The following IQGAP2 variants were observed in gnomAD, a reference collection of about 807,000 sequenced individuals.
IQGAP2 encodes the protein ras GTPase-activating-like protein IQGAP2.
IQGAP2 carries 173 observed loss-of-function variants against 201.3 expected under a neutral mutation model. The ratio of observed to expected loss-of-function variants is 0.86; its 90% CI spans 0.76 to 0.98. The LOEUF (loss-of-function observed/expected upper bound fraction) is 0.98. IQGAP2 is among the 50% of genes least tolerant of loss of function. IQGAP2 has a pLI of 0.00. For synonymous variants in IQGAP2, 675 were observed against 673.9 expected (o/e 1.00, Z -0.03); for missense variants, 1,687 against 1,864.8 (o/e 0.90, Z 1.76).
At chr5:76,573,453 C>A (rs911184395) in intron 4 of IQGAP2, among the ~76,000 whole-genome samples, 10 of 152,266 alleles carry the variant, frequency 6.6e-5, no homozygotes, top group African/African-American at 2.4e-4. Context: ...ATAAAACATT[C>A]TGGTGAATGA....
At chr5:76,406,986 T>C (rs747333425) in intron 1 of IQGAP2, among the ~76,000 whole-genome samples, 1 of 152,074 alleles carries the variant, frequency 6.6e-6, no homozygotes, top group Non-Finnish European at 1.5e-5. Context: ...GCATTATTAT[T>C]ATTTTTTTTT....
intron 2 of IQGAP2, among the ~76,000 whole-genome samples, chr5:76,505,571 A>G (rs902736457): frequency 6.6e-6 from 1 of 152,156 alleles, no homozygotes; most frequent in African/African-American, 2.4e-5. Context: ...GAAAAAAAAA[A>G]TCCTCTTAAG....
In IQGAP2 at chr5:76,693,448, T is replaced by A; in HGVS notation, c.3993+6T>A. ...CACCAGCAACTGCGCAACAGGTAATTTGACTTTAAGTGTAAAATAATAATA... is the reference window on the plus strand; with the variant it reads ...CACCAGCAACTGCGCAACAGGTAATATGACTTTAAGTGTAAAATAATAATA... On this transcript the variant is annotated splice_donor_region_variant and intron_variant, in intron 31 of 35. Transcript: ENST00000274364. The A allele has an allele frequency of 6.3e-7, 1 of 1,577,102 alleles. No homozygotes were observed.
At chr5:76,674,413 A>G (rs939011672) in intron 26 of IQGAP2, 64 bp from the exon 27 acceptor site, 4 of 964,954 alleles carry the variant, frequency 4.1e-6, no homozygotes, top group East Asian at 4.9e-5. Context: ...TAAAAAAAAA[A>G]AGAAAACTAA....
At chr5:76,647,130 G>A (rs560957985) in intron 17 of IQGAP2, among the ~76,000 whole-genome samples, 32 of 152,102 alleles carry the variant, frequency 2.1e-4, no homozygotes, top group African/African-American at 7.5e-4. Flanking sequence ...CTGCTTCTGG[G>A]GAAATGGAAT....
intron 16 of IQGAP2, among the ~76,000 whole-genome samples, chr5:76,637,462 T>A (rs1312163059): frequency 6.6e-6 from 1 of 152,260 alleles, no homozygotes; most frequent in African/African-American, 2.4e-5. Flanking sequence ...AAGATTTTCC[T>A]TGACTTAATT....
At chr5:76,447,930 C>T (rs545819850) in intron 1 of IQGAP2, among the ~76,000 whole-genome samples, 2 of 152,258 alleles carry the variant, frequency 1.3e-5, no homozygotes, top group South Asian at 2.1e-4. Context: ...GCTGTGCCCC[C>T]AAATATTCCT....
At chr5:76,455,384 C>T (rs956208732) in intron 1 of IQGAP2, among the ~76,000 whole-genome samples, 1 of 143,142 alleles carries the variant, frequency 7.0e-6, no homozygotes, top group Non-Finnish European at 1.5e-5. Context: ...ACCCAGGAGG[C>T]AGAGGTTGCA....
At chr5:76,492,656 G>A (rs564402812) in intron 2 of IQGAP2, among the ~76,000 whole-genome samples, 1 of 152,176 alleles carries the variant, frequency 6.6e-6, no homozygotes, top group East Asian at 1.9e-4. Flanking sequence ...TGAAGGTTTT[G>A]TAACTTTGAA....
At chr5:76,464,802 A>G (rs982997078) in intron 2 of IQGAP2, among the ~76,000 whole-genome samples, 2 of 152,216 alleles carry the variant, frequency 1.3e-5, no homozygotes, top group African/African-American at 4.8e-5. Flanking sequence ...TTACATGCCA[A>G]TGAAAACTTA....
At chr5:76,668,634 T>C (rs1189598647) in intron 22 of IQGAP2, 47 bp from the exon 23 acceptor site, 2 of 1,471,954 alleles carry the variant, frequency 1.4e-6, no homozygotes, top group East Asian at 2.3e-5. Context: ...TATTAACTTA[T>C]TGTTTTGTGG....
At chr5:76,583,628 A>G (rs889668887) in intron 5 of IQGAP2, among the ~76,000 whole-genome samples, 1 of 152,210 alleles carries the variant, frequency 6.6e-6, no homozygotes, top group Non-Finnish European at 1.5e-5. Flanking sequence ...CAGAAAGCTA[A>G]CTTCTCAGCA....
chr5:76,484,150 T>A (rs1481535342), intron 2 of IQGAP2, among the ~76,000 whole-genome samples: 1 of 152,034 alleles, frequency 6.6e-6, no homozygotes, highest in East Asian at 1.9e-4. Context: ...TGGAAGAATC[T>A]TGCTTTAAAA....
intron 28 of IQGAP2, among the ~76,000 whole-genome samples, chr5:76,678,334 T>C (rs369540953): frequency 3.3e-5 from 5 of 152,060 alleles, no homozygotes; most frequent in South Asian, 2.1e-4. Context: ...GCCATTAGCA[T>C]GTATTAAGTA....
At chr5:76,572,444 G>A (rs367609349) in intron 4 of IQGAP2, among the ~76,000 whole-genome samples, 11 of 149,984 alleles carry the variant, frequency 7.3e-5, no homozygotes, top group Admixed American at 1.3e-4. Context: ...GATTACAGGC[G>A]TGAGCCACTG....
intron 17 of IQGAP2, among the ~76,000 whole-genome samples, chr5:76,651,793 G>A (rs12697857): frequency 0.2 from 30,790 of 151,730 alleles, 3,437 homozygotes; most frequent in East Asian, 0.27. Flanking sequence ...GAAGTCTGGA[G>A]CAAGTGCCCA....
At chr5:76,404,076 G>A (rs1210344537) in intron 1 of IQGAP2, among the ~76,000 whole-genome samples, 1 of 152,172 alleles carries the variant, frequency 6.6e-6, no homozygotes, top group Admixed American at 6.5e-5. Flanking sequence ...TGACTGGAAG[G>A]GCGGGAGTCT....
At chr5:76,495,985 T>C (rs1756871581) in intron 2 of IQGAP2, among the ~76,000 whole-genome samples, 1 of 152,182 alleles carries the variant, frequency 6.6e-6, no homozygotes, top group African/African-American at 2.4e-5. Context: ...GTTGAGGTTG[T>C]TGAGGTAAGT....
chr5:76,454,014 G>A (rs1753920983), intron 1 of IQGAP2, among the ~76,000 whole-genome samples: 1 of 152,318 alleles, frequency 6.6e-6, no homozygotes, highest in South Asian at 2.1e-4. Context: ...AGGACAGAGT[G>A]TATAGGAGCA....
Sources: gnomAD v4.1 joint callset for allele counts (sites outside exome capture counted in the v4.1 genomes callset) on GRCh38, gnomAD v4.1.1 for gene constraint, MANE v1.5 for transcripts, NCBI Gene and HGNC (gene_info 2026-07-23, HGNC 2026-07-21) for gene names.